Variants in TAF4 observed in about 807,000 individuals in gnomAD.
The protein encoded by TAF4 is TATA-box binding protein associated factor 4.
A neutral mutation model predicts 90.3 loss-of-function variants in TAF4; 9 were observed. The ratio of observed to expected loss-of-function variants is 0.10; its 90% CI spans 0.06 to 0.17. TAF4 has a LOEUF of 0.17. Ranked by LOEUF, TAF4 falls within the 10% of genes least tolerant of loss-of-function variation. The pLI is 1.00. For synonymous variants in TAF4, 818 were observed against 638.9 expected (o/e 1.28, Z -4.23); for missense variants, 1,351 against 1,370.7 (o/e 0.99, Z 0.23).
intron 1 of TAF4, among the ~76,000 whole-genome samples, chr20:62,022,141 GTGTC>G (rs1217785824): frequency 6.6e-6 from 1 of 152,022 alleles, no homozygotes; most frequent in African/African-American, 2.4e-5. Flanking sequence ...TATCACGAAA[GTGTC>G]TGCGCCGTGG....
chr20:62,061,871 A>G (rs2056090565), intron 1 of TAF4, among the ~76,000 whole-genome samples: 1 of 152,248 alleles, frequency 6.6e-6, no homozygotes, highest in Non-Finnish European at 1.5e-5. Flanking sequence ...GACAAAGAAT[A>G]TCATGACAGC....
intron 1 of TAF4, among the ~76,000 whole-genome samples, chr20:62,048,813 T>TCCCCCAACTCCAAGCTGCAGC (rs2056009439): frequency 7.8e-6 from 1 of 127,662 alleles, no homozygotes; most frequent in Admixed American, 8.3e-5. Flanking sequence ...CCAAGCTCCG[T>TCCCCCAACTCCAAGCTGCAGC]ACACCCCAAG....
rs1568946638 is a variant in TAF4 at position 62,064,475 on chromosome 20, T to C, written c.1336A>G (p.Ile446Val). Residue 446 changes from isoleucine to valine, a missense_variant, in exon 1 of 15, where the codon ATC becomes GTC. Physicochemically the swap from Ile to Val is conservative, Grantham distance 29. Coordinates refer to ENST00000252996, the MANE Select transcript of TAF4 (RefSeq NM_003185.4). ...CCTGGGGGCAGCTGGAAGTTCTGGATGTTGGTCGGGTTCTGAGGCGGCTGC... is the reference window on the plus strand; with the variant it reads ...CCTGGGGGCAGCTGGAAGTTCTGGACGTTGGTCGGGTTCTGAGGCGGCTGC... The part of the protein sequence containing the change: ...LPQPPQNPTN[I>V]QNFQLPPGMV... The C allele has an allele frequency of 6.7e-7, 1 of 1,491,866 alleles. No individual in the cohort carries two copies. The highest frequency in any genetic ancestry group is 8.9e-7 in the Non-Finnish European group (1 of 1,119,486). The allele number at this position is 1,491,866 out of a possible 1,614,324, so 92.4% of individuals were successfully genotyped here. A position where few individuals can be genotyped will look rare whatever the true frequency, so the allele number is the denominator to read the frequency against.
intron 1 of TAF4, among the ~76,000 whole-genome samples, chr20:62,021,874 G>A (rs1053901855): frequency 1.3e-5 from 2 of 152,180 alleles, no homozygotes; most frequent in African/African-American, 4.8e-5. Flanking sequence ...CGGCACCTCA[G>A]ACGGCGACAG....
At chr20:62,008,984 C>A in intron 5 of TAF4, 68 bp downstream of exon 5, 1 of 1,553,362 alleles carries the variant, frequency 6.4e-7, no homozygotes, top group Non-Finnish European at 8.7e-7. Flanking sequence ...CAGGTCACAG[C>A]AGCAACAGGT....
At chr20:61,983,607 G>A (rs962134934) in intron 14 of TAF4, among the ~76,000 whole-genome samples, 4 of 152,214 alleles carry the variant, frequency 2.6e-5, no homozygotes, top group African/African-American at 9.7e-5. Context: ...CAAAGTTGCA[G>A]TGAGCTATGA....
chr20:62,020,177 A>AGCC (rs2055834700), intron 1 of TAF4, among the ~76,000 whole-genome samples: 1 of 152,202 alleles, frequency 6.6e-6, no homozygotes, highest in Non-Finnish European at 1.5e-5. Flanking sequence ...CACCAGCCCC[A>AGCC]GCCCCAGCCC....
At chr20:62,000,502 C>T (rs762904601) in intron 10 of TAF4, 50 bp downstream of exon 10, 7 of 1,580,786 alleles carry the variant, frequency 4.4e-6, no homozygotes, top group East Asian at 2.3e-5. Context: ...CTCCCATGCC[C>T]CAGCAGCGCA....
intron 1 of TAF4, among the ~76,000 whole-genome samples, chr20:62,046,701 G>C (rs947959980): frequency 6.6e-6 from 1 of 152,194 alleles, no homozygotes; most frequent in Admixed American, 6.5e-5. Context: ...TCAGCGTTGA[G>C]GGTCCCAGGA....
chr20:62,061,692 G>A (rs909022081), intron 1 of TAF4, among the ~76,000 whole-genome samples: 1 of 152,172 alleles, frequency 6.6e-6, no homozygotes, highest in Non-Finnish European at 1.5e-5. Flanking sequence ...ATCCTAAGCT[G>A]TACATAACTA....
intron 1 of TAF4, among the ~76,000 whole-genome samples, chr20:62,024,595 G>A (rs1173528102): frequency 3.3e-5 from 5 of 152,180 alleles, no homozygotes; most frequent in Admixed American, 6.5e-5. Context: ...CAGGTTGGGC[G>A]TGGTGGCTCA....
intron 1 of TAF4, among the ~76,000 whole-genome samples, chr20:62,052,125 G>C (rs970922032): frequency 2.0e-5 from 3 of 152,082 alleles, no homozygotes; most frequent in Non-Finnish European, 2.9e-5. Flanking sequence ...GACGTGCCCA[G>C]GCCAACCAGC....
chr20:61,992,474 C>A (rs1291129283), intron 14 of TAF4, among the ~76,000 whole-genome samples: 1 of 152,038 alleles, frequency 6.6e-6, no homozygotes. Flanking sequence ...CCCCACCCCC[C>A]AAGCCCTTGG....
intron 3 of TAF4, 35 bp downstream of exon 3, chr20:62,012,780 T>A (rs3818344): frequency 1.3e-6 from 2 of 1,586,090 alleles, no homozygotes; most frequent in African/African-American, 1.4e-5. Context: ...TCGTGGCCCC[T>A]GCAGCCTCAA....
intron 9 of TAF4, among the ~76,000 whole-genome samples, chr20:62,001,159 C>A (rs1053414839): frequency 1.3e-5 from 2 of 152,218 alleles, no homozygotes; most frequent in East Asian, 3.9e-4. Flanking sequence ...GACTTTCCTC[C>A]ACCCGGAACA....
At chr20:61,983,104 G>A (rs116032382) in intron 14 of TAF4, among the ~76,000 whole-genome samples, 2,235 of 152,242 alleles carry the variant, frequency 0.015, 57 homozygotes, top group African/African-American at 0.051. Flanking sequence ...TGGAGGTCCT[G>A]TCACCAAAAG....
At chr20:62,024,331 A>T (rs2055862998) in intron 1 of TAF4, among the ~76,000 whole-genome samples, 1 of 152,252 alleles carries the variant, frequency 6.6e-6, no homozygotes, top group African/African-American at 2.4e-5. Flanking sequence ...TCCAGAAGAA[A>T]ACAGGAGAAC....
At chr20:62,014,278 C>T (rs548231131) in intron 2 of TAF4, among the ~76,000 whole-genome samples, 13 of 152,236 alleles carry the variant, frequency 8.5e-5, no homozygotes, top group African/African-American at 1.7e-4. Context: ...CCCTGGACTG[C>T]TCACTTTGAC....
In TAF4 at chr20:62,014,795, T is replaced by A. The variant is rs562332259; in HGVS notation, c.1361-88A>T. ...GCCTGACCCAGGGGAAGCTGACAGC[T>A]GTGAGAAGGAAACAAAGGAAATCAA... On this transcript the variant is annotated intron_variant, in intron 1 of 14. Transcript: ENST00000252996. 2,574 of 1,528,206 alleles carry A rather than the reference T, an allele frequency of 1.7e-3. 3 individuals are homozygous for A. Among genetic ancestry groups the A allele is most frequent in the Non-Finnish European group, 2.0e-3 (2,335 of 1,141,228 alleles). The allele number at this position is 1,528,206 out of a possible 1,614,324, so 94.7% of individuals were successfully genotyped here.
Sources: allele counts gnomAD v4.1 joint callset (sites outside exome capture counted in the v4.1 genomes callset), GRCh38; gene constraint gnomAD v4.1.1; transcripts MANE v1.5; gene names NCBI Gene and HGNC (gene_info 2026-07-23, HGNC 2026-07-21).